The following INPP5B variants were observed in gnomAD, a reference collection of about 807,000 sequenced individuals.
The protein encoded by INPP5B is inositol polyphosphate-5-phosphatase B.
A neutral mutation model predicts 118.5 loss-of-function variants in INPP5B; 90 were observed. The ratio of observed to expected loss-of-function variants is 0.76; its 90% CI spans 0.64 to 0.90. The LOEUF is 0.90. INPP5B is among the 40% of genes least tolerant of loss of function. The pLI, the probability that INPP5B is intolerant of heterozygous loss-of-function variation, is 0.00. For synonymous variants in INPP5B, 385 were observed against 418.9 expected (o/e 0.92, Z 0.99); for missense variants, 984 against 1,125.6 (o/e 0.87, Z 1.80).
At chr1:37,920,145 C>T (rs1235839182) in intron 7 of INPP5B, among the ~76,000 whole-genome samples, 6 of 152,200 alleles carry the variant, frequency 3.9e-5, no homozygotes, top group Non-Finnish European at 8.8e-5. Context: ...AAATGGCACA[C>T]AGCCAGGGTT....
At chr1:37,895,917 C>T (rs1394880348) in intron 7 of INPP5B, among the ~76,000 whole-genome samples, 1 of 152,228 alleles carries the variant, frequency 6.6e-6, no homozygotes, top group Non-Finnish European at 1.5e-5. Context: ...GAGATTGCAG[C>T]CTCTGCCCGG....
intron 7 of INPP5B, among the ~76,000 whole-genome samples, chr1:37,898,711 G>C (rs1644218478): frequency 6.6e-6 from 1 of 151,120 alleles, no homozygotes; most frequent in Non-Finnish European, 1.5e-5. Flanking sequence ...AAAAAAGAAT[G>C]AACCTTAATG....
chr1:37,943,189 G>A (rs907799280), intron 5 of INPP5B, among the ~76,000 whole-genome samples: 46 of 151,862 alleles, frequency 3.0e-4, no homozygotes, highest in Admixed American at 3.0e-3. Flanking sequence ...TAGTAGAGAC[G>A]GGGTTTCTCC....
rs199945352 is a variant in INPP5B at position 37,872,881 on chromosome 1, G to A, written c.2187+49C>T. 31 of 1,399,280 alleles carry A rather than the reference G, an allele frequency of 2.2e-5. No homozygotes were observed. In the Admixed American group the frequency reaches 2.9e-4, roughly 13 times the overall value. 86.7% of individuals were successfully genotyped at this position (1,399,280 alleles called of 1,614,324 possible). ...GGCATAGGAATATCTTGTTTGACTG[G>A]CTTGTCTGCTACAAAGTTCTAGATG... On this transcript the variant is annotated intron_variant, in intron 19 of 23. Transcript: ENST00000373024.
In INPP5B at chr1:37,872,977, T is replaced by C. The variant is rs771766555; in HGVS notation, c.2140A>G (p.Met714Val). ...GGTAGGTCCAAGATTGGCTCTCTCA[T>C]GTAACACAGTGTATGAATGGGAGAC... is the stretch of plus-strand genomic sequence containing the variant. ...FGSPIHTLCY[M>V]REPILDLPLE... The change falls in exon 19 of 24, where the codon ATG (methionine) becomes GTG (valine). Residue 714 changes from methionine to valine, a missense_variant. Around this residue, in one of 2 missense-constraint regions of INPP5B, gnomAD observed 634 missense variants for 791.0 expected, o/e 0.80. Coordinates refer to ENST00000373024, the MANE Select transcript of INPP5B (RefSeq NM_005540.3). The C allele has an allele frequency of 2.5e-4, 397 of 1,614,028 alleles. 9 individuals carry two copies. The Admixed American group carries it at 6.5e-3, about 26-fold the overall frequency.
At chr1:37,913,179 C>A (rs1245018500) in intron 7 of INPP5B, among the ~76,000 whole-genome samples, 1 of 152,132 alleles carries the variant, frequency 6.6e-6, no homozygotes, top group Non-Finnish European at 1.5e-5. Flanking sequence ...ATGGTGTGAA[C>A]CCGGAAGGCG....
intron 9 of INPP5B, among the ~76,000 whole-genome samples, chr1:37,888,661 GAA>G (rs1330216527): frequency 6.6e-6 from 1 of 152,136 alleles, no homozygotes; most frequent in Non-Finnish European, 1.5e-5. Context: ...ATGAAAAAAT[GAA>G]AAGTGCTTTG....
At chr1:37,867,674 T>TTC (rs1642129173) in intron 20 of INPP5B, among the ~76,000 whole-genome samples, 1 of 152,236 alleles carries the variant, frequency 6.6e-6, no homozygotes, top group Non-Finnish European at 1.5e-5. Flanking sequence ...GATGTTGCTC[T>TTC]GAAGTGGTAA....
intron 7 of INPP5B, among the ~76,000 whole-genome samples, chr1:37,909,555 C>T (rs1253410776): frequency 2.0e-5 from 3 of 152,142 alleles, no homozygotes; most frequent in African/African-American, 7.2e-5. Flanking sequence ...AATCAGTTAG[C>T]GTTTAGGCTC....
intron 6 of INPP5B, among the ~76,000 whole-genome samples, chr1:37,938,864 C>T (rs1645801876): frequency 6.6e-6 from 1 of 152,080 alleles, no homozygotes; most frequent in Non-Finnish European, 1.5e-5. Context: ...CGAGACCACC[C>T]TGACCAACGT....
At chr1:37,900,223 A>G (rs1644280047) in intron 7 of INPP5B, among the ~76,000 whole-genome samples, 1 of 150,828 alleles carries the variant, frequency 6.6e-6, no homozygotes, top group Non-Finnish European at 1.5e-5. Context: ...CTGGGACTAC[A>G]GGCAGATGCC....
At position 37,887,463 on chromosome 1, in the gene INPP5B, A is replaced by G; in HGVS notation, c.902T>C (p.Phe301Ser). ...TTCCTTACTCAGATCAAGCTCCTGG[A>G]ACCTATTTTGAGAAGCAACCAGTTA... is the stretch of plus-strand genomic sequence containing the variant. ...IQAPDVYCVGFQELDLSKEAF... is the reference protein window; with the variant it reads ...IQAPDVYCVGSQELDLSKEAF... Residue 301 changes from phenylalanine (F) to serine (S), a missense_variant and splice_region_variant, in exon 11 of 24, where the codon TTC becomes TCC. Around this residue, in one of 2 missense-constraint regions of INPP5B, gnomAD observed 634 missense variants for 791.0 expected, o/e 0.80. Transcript: ENST00000373024. 6.3e-7 allele frequency: 1 copy of G among 1,587,252 alleles called. No individual in the cohort carries two copies. The highest frequency in any genetic ancestry group is 1.4e-5 in the African/African-American group (1 of 73,978).
At chr1:37,905,895 CT>C (rs1160577259) in intron 7 of INPP5B, among the ~76,000 whole-genome samples, 2 of 152,132 alleles carry the variant, frequency 1.3e-5, no homozygotes, top group African/African-American at 4.8e-5. Context: ...GAAAACTTTT[CT>C]TTTGAGCTAT....
intron 7 of INPP5B, among the ~76,000 whole-genome samples, chr1:37,913,961 C>T (rs192352831): frequency 1.1e-4 from 17 of 151,590 alleles, no homozygotes; most frequent in African/African-American, 4.1e-4. Context: ...ATATATTCTA[C>T]CCCCCCACTT....
intron 13 of INPP5B, chr1:37,883,622 A>C: frequency 1.0e-6 from 1 of 985,440 alleles, no homozygotes; most frequent in Non-Finnish European, 1.2e-6. Context: ...TAATGCATCC[A>C]CAAACTAAAA....
chr1:37,864,283 A>T (rs566446002), intron 23 of INPP5B, 29 bp downstream of exon 23: 1 of 1,293,494 alleles, frequency 7.7e-7, no homozygotes, highest in Admixed American at 1.8e-5. Flanking sequence ...GTTTGCAGAA[A>T]TGCTTTCCAT....
At chr1:37,943,742 A>T in intron 4 of INPP5B, 54 bp downstream of exon 4, 1 of 1,610,702 alleles carries the variant, frequency 6.2e-7, no homozygotes, top group Non-Finnish European at 8.5e-7. Context: ...AAGGACAAAG[A>T]TGAGCTGGGG....
At chr1:37,883,473 T>C (rs1570077340) in intron 13 of INPP5B, 1 of 985,438 alleles carries the variant, frequency 1.0e-6, no homozygotes, top group East Asian at 1.1e-4. Context: ...GGTGTTTGAT[T>C]CCTTCTGCTG....
intron 14 of INPP5B, 136 bp downstream of exon 14, chr1:37,882,671 T>G: frequency 1.6e-6 from 1 of 637,244 alleles, no homozygotes; most frequent in Non-Finnish European, 2.8e-6. Context: ...AATGAAGAAA[T>G]GACTGGACAA....
Sources: allele counts gnomAD v4.1 joint callset (sites outside exome capture counted in the v4.1 genomes callset), GRCh38; gene constraint gnomAD v4.1.1; regional missense constraint gnomAD v4.1.1; transcripts MANE v1.5; gene names NCBI Gene and HGNC (gene_info 2026-07-23, HGNC 2026-07-21).